ATP10B: variants seen among roughly 807,000 people sequenced by gnomAD.
ATP10B encodes the protein phospholipid-transporting ATPase VB.
A neutral mutation model predicts 141.2 loss-of-function variants in ATP10B; 122 were observed. That is an observed-to-expected ratio of 0.86 (90% CI 0.75 to 1.00). The LOEUF (loss-of-function observed/expected upper bound fraction) is 1.00, where lower values mean the gene tolerates loss of function less well. Among genes scored for constraint, ATP10B ranks in the 50% least tolerant of loss-of-function variants. The probability of loss-of-function intolerance (pLI) is 0.00; values close to 1 mark genes in which losing one functional copy is unlikely to be tolerated. For synonymous variants in ATP10B, 685 were observed against 692.0 expected (o/e 0.99, Z 0.16); for missense variants, 1,876 against 1,825.3 (o/e 1.03, Z -0.51).
intron 22 of ATP10B, among the ~76,000 whole-genome samples, chr5:160,597,231 A>G (rs1756766167): frequency 6.6e-6 from 1 of 152,266 alleles, no homozygotes; most frequent in Admixed American, 6.5e-5. Context: ...AGCCCTCAGA[A>G]ATAATGCTGC....
the ATP10B span, among the ~76,000 whole-genome samples, chr5:160,878,352 C>G: frequency 7.2e-5 from 11 of 151,788 alleles, no homozygotes; most frequent in South Asian, 2.1e-3. Context: ...GAAACTGGAT[C>G]CCTTCCTTAC....
intron 1 of ATP10B, among the ~76,000 whole-genome samples, chr5:160,844,267 C>G (rs1235357384): frequency 6.6e-6 from 1 of 152,224 alleles, no homozygotes; most frequent in African/African-American, 2.4e-5. Flanking sequence ...TAGGAACATT[C>G]TTCATAATTG....
At chr5:160,760,588 A>G (rs987700014) in intron 2 of ATP10B, among the ~76,000 whole-genome samples, 3 of 152,218 alleles carry the variant, frequency 2.0e-5, no homozygotes, top group African/African-American at 7.2e-5. Context: ...AATAAAACCA[A>G]TCAACTACTT....
Position 160,657,778 on chromosome 5 carries a change from C to T in ATP10B, c.676-8522G>A, listed in dbSNP as rs1319150138. Reference sequence around the variant, plus strand: ...GTAATTCCCTGTAAGGGCATGCAGTCGCACCCTGTATCTCTCTTGTTTACT... The same window carrying T: ...GTAATTCCCTGTAAGGGCATGCAGTTGCACCCTGTATCTCTCTTGTTTACT... On this transcript the variant is annotated intron_variant, in intron 7 of 25. Coordinates refer to ENST00000327245, the MANE Select transcript of ATP10B (RefSeq NM_025153.3). Among the ~76,000 whole-genome samples, 6 of 152,308 alleles carry T rather than the reference C, an allele frequency of 3.9e-5. No homozygotes were observed. In the South Asian group the frequency reaches 1.0e-3, roughly 26 times the overall value.
chr5:160,796,943 C>A (rs143652029), intron 1 of ATP10B, among the ~76,000 whole-genome samples: 66 of 152,294 alleles, frequency 4.3e-4, no homozygotes, highest in Admixed American at 3.5e-3. Context: ...GGAGCTTAAA[C>A]GGCAATCTTC....
chr5:160,817,429 G>A (rs1773728583), intron 1 of ATP10B, among the ~76,000 whole-genome samples: 1 of 152,058 alleles, frequency 6.6e-6, no homozygotes, highest in Non-Finnish European at 1.5e-5. Context: ...AAATACCTAG[G>A]AATCCAACTT....
intron 1 of ATP10B, among the ~76,000 whole-genome samples, chr5:160,796,567 G>A (rs1028374224): frequency 2.5e-5 from 3 of 121,678 alleles, no homozygotes; most frequent in East Asian, 3.0e-4. Context: ...GACCCCCAGC[G>A]GTAGTATTGT....
chr5:160,845,912 C>T (rs1041433795), intron 1 of ATP10B, among the ~76,000 whole-genome samples: 6 of 152,072 alleles, frequency 3.9e-5, no homozygotes, highest in Admixed American at 3.9e-4. Flanking sequence ...TGTCTTTTCC[C>T]TATCTTATAT....
intron 1 of ATP10B, among the ~76,000 whole-genome samples, chr5:160,796,805 G>A (rs1230064279): frequency 6.6e-6 from 1 of 152,162 alleles, no homozygotes; most frequent in Non-Finnish European, 1.5e-5. Flanking sequence ...CCTGCACTTG[G>A]AGGACAAGAA....
At chr5:160,568,544 ACAT>A (rs1338265748) in intron 25 of ATP10B, among the ~76,000 whole-genome samples, 1 of 152,192 alleles carries the variant, frequency 6.6e-6, no homozygotes, top group Non-Finnish European at 1.5e-5. Context: ...TCCTATGGGA[ACAT>A]CATCATCAAG....
At chr5:160,615,395 A>G (rs1348940605) in intron 17 of ATP10B, among the ~76,000 whole-genome samples, 1 of 148,612 alleles carries the variant, frequency 6.7e-6, no homozygotes, top group African/African-American at 2.5e-5. Context: ...CACCAGGCCC[A>G]TCTGCTAGCC....
intron 2 of ATP10B, among the ~76,000 whole-genome samples, chr5:160,723,934 G>A (rs1002321851): frequency 1.3e-5 from 2 of 152,168 alleles, no homozygotes; most frequent in Non-Finnish European, 2.9e-5. Flanking sequence ...TATACACCAT[G>A]GAATACTGTG....
chr5:160,770,390 T>C (rs1769797988), intron 2 of ATP10B, among the ~76,000 whole-genome samples: 1 of 151,798 alleles, frequency 6.6e-6, no homozygotes, highest in Admixed American at 6.6e-5. Flanking sequence ...ATTGCAAATA[T>C]CTGAGCACGA....
intron 7 of ATP10B, among the ~76,000 whole-genome samples, chr5:160,650,500 T>C (rs181896073): frequency 2.6e-4 from 40 of 152,276 alleles, no homozygotes; most frequent in East Asian, 9.6e-4. Flanking sequence ...ATAAGTTTAA[T>C]TGGTGGTCTG....
the ATP10B span, among the ~76,000 whole-genome samples, chr5:160,902,642 A>G: frequency 6.6e-6 from 1 of 152,232 alleles, no homozygotes; most frequent in Non-Finnish European, 1.5e-5. Context: ...AGAACTGAGC[A>G]TGATAGAGAA....
At chr5:160,749,518 C>T (rs937984388) in intron 2 of ATP10B, among the ~76,000 whole-genome samples, 1 of 152,156 alleles carries the variant, frequency 6.6e-6, no homozygotes, top group African/African-American at 2.4e-5. Context: ...TCCCTCATTG[C>T]CACCTGGTGG....
At chr5:160,650,968 T>C (rs1366925603) in intron 7 of ATP10B, among the ~76,000 whole-genome samples, 1 of 152,168 alleles carries the variant, frequency 6.6e-6, no homozygotes, top group Non-Finnish European at 1.5e-5. Context: ...CACCATTTAA[T>C]AGGTATAGTG....
chr5:160,857,504 G>T, the ATP10B span, among the ~76,000 whole-genome samples: 3 of 151,512 alleles, frequency 2.0e-5, no homozygotes, highest in Admixed American at 1.3e-4. Context: ...TGATTTTCTT[G>T]TTTTCAATTT....
chr5:160,607,377 C>T (rs1271685754), intron 18 of ATP10B, among the ~76,000 whole-genome samples: 1 of 152,148 alleles, frequency 6.6e-6, no homozygotes, highest in Non-Finnish European at 1.5e-5. Context: ...ATAAATAATA[C>T]TAATATAATG....
Sources: allele counts gnomAD v4.1 joint callset (sites outside exome capture counted in the v4.1 genomes callset), GRCh38; gene constraint gnomAD v4.1.1; transcripts MANE v1.5; gene names NCBI Gene and HGNC (gene_info 2026-07-23, HGNC 2026-07-21).